Variants in NTRK3 observed in about 807,000 individuals in gnomAD.
NTRK3 encodes the protein NT-3 growth factor receptor.
NTRK3 carries 24 observed loss-of-function variants against 91.7 expected under a neutral mutation model. The observed-to-expected ratio is 0.26, with a 90% CI of 0.19 to 0.37. The LOEUF (loss-of-function observed/expected upper bound fraction) is 0.37. Ranked by LOEUF, NTRK3 falls within the 10% of genes least tolerant of loss-of-function variation. The probability of loss-of-function intolerance (pLI) is 1.00; values close to 1 mark genes in which losing one functional copy is unlikely to be tolerated. For missense variants in NTRK3, 880 were observed against 1,068.9 expected (o/e 0.82, Z 2.46); for synonymous variants, 483 against 404.0 (o/e 1.20, Z -2.34).
At chr15:88,093,469 C>T (rs1368790980) in intron 13 of NTRK3, among the ~76,000 whole-genome samples, 1 of 152,198 alleles carries the variant, frequency 6.6e-6, no homozygotes, top group African/African-American at 2.4e-5. Flanking sequence ...TCTTCTCATG[C>T]TTATGGATGG....
intron 14 of NTRK3, among the ~76,000 whole-genome samples, chr15:87,983,054 T>G (rs933294015): frequency 6.6e-6 from 1 of 152,254 alleles, no homozygotes; most frequent in Non-Finnish European, 1.5e-5. Context: ...TAAAGTAGTT[T>G]AGGTTATGGT....
At chr15:88,058,945 C>G (rs541097183) in intron 13 of NTRK3, among the ~76,000 whole-genome samples, 1 of 152,202 alleles carries the variant, frequency 6.6e-6, no homozygotes, top group South Asian at 2.1e-4. Context: ...TAGCTTCTTC[C>G]AGAGATTTAG....
At chr15:88,193,092 T>A (rs1448385868) in intron 3 of NTRK3, among the ~76,000 whole-genome samples, 1 of 152,174 alleles carries the variant, frequency 6.6e-6, no homozygotes, top group East Asian at 1.9e-4. Flanking sequence ...CCTGAGTAAG[T>A]ATACACCTGG....
At chr15:88,149,956 C>T (rs1407203740) in intron 5 of NTRK3, among the ~76,000 whole-genome samples, 1 of 152,200 alleles carries the variant, frequency 6.6e-6, no homozygotes, top group African/African-American at 2.4e-5. Flanking sequence ...TGGACAAGCC[C>T]CCAGCTTCCA....
exon 19 of NTRK3, chr15:87,861,475 T>G (rs2064521806): frequency 1.5e-5 from 3 of 199,464 alleles, no homozygotes. Context: ...ATATGTAAAG[T>G]AGCACTTAGT....
At chr15:88,107,102 CAATATTTTCTAGATTTTTATATAATG>C (rs1382235420) in intron 13 of NTRK3, among the ~76,000 whole-genome samples, 1 of 151,886 alleles carries the variant, frequency 6.6e-6, no homozygotes, top group Non-Finnish European at 1.5e-5. Flanking sequence ...ATTTTTTATA[CAATATTTTCTAGATTTTTATATAATG>C]AATATATATT....
chr15:87,879,083 G>A (rs1299459034), intron 18 of NTRK3, among the ~76,000 whole-genome samples: 1 of 152,032 alleles, frequency 6.6e-6, no homozygotes, highest in Admixed American at 6.5e-5. Context: ...GGGAAATGTG[G>A]TCAGGCCCCA....
chr15:88,214,661 GAAA>G (rs60980840), intron 3 of NTRK3, among the ~76,000 whole-genome samples: 40 of 133,150 alleles, frequency 3.0e-4, no homozygotes, highest in African/African-American at 1.0e-3. Context: ...AAATAAAGCA[GAAA>G]AAAAAAAAAA....
chr15:87,914,762 C>A (rs1398432461), intron 17 of NTRK3, among the ~76,000 whole-genome samples: 1 of 152,154 alleles, frequency 6.6e-6, no homozygotes, highest in African/African-American at 2.4e-5. Context: ...ACAAACCGGG[C>A]TGCAAATCAA....
chr15:88,162,721 T>C (rs972458724), intron 5 of NTRK3, among the ~76,000 whole-genome samples: 2 of 152,250 alleles, frequency 1.3e-5, no homozygotes, highest in African/African-American at 2.4e-5. Flanking sequence ...AGGAAAATAA[T>C]GAGGAACATT....
intron 13 of NTRK3, among the ~76,000 whole-genome samples, chr15:88,049,947 C>T (rs1030012689): frequency 5.3e-5 from 8 of 152,174 alleles, no homozygotes; most frequent in Non-Finnish European, 8.8e-5. Flanking sequence ...GCATTGTGCT[C>T]CTGACGCTCA....
chr15:88,234,743 A>G lies in NTRK3; in HGVS notation c.248+21163T>C, dbSNP rs1436263087. Among the ~76,000 whole-genome samples the G allele has an allele frequency of 1.3e-5, 2 of 152,184 alleles. No homozygotes were observed. Among genetic ancestry groups the G allele is most frequent in the Admixed American group, 6.5e-5 (1 of 15,280 alleles). ...CTGTAAGTCGAATCATCTCTTGTTT[A>G]AAAGGAAAACCCTCTGGGACTTCCT... On this transcript the variant is annotated intron_variant, in intron 3 of 18. Coordinates refer to ENST00000394480, the Ensembl canonical transcript of NTRK3. The surrounding 1 kb of genome is among the most constrained non-coding windows in gnomAD (Gnocchi z 6.1).
chr15:87,932,239 C>G (rs1292651933), intron 16 of NTRK3, among the ~76,000 whole-genome samples: 1 of 152,196 alleles, frequency 6.6e-6, no homozygotes, highest in Non-Finnish European at 1.5e-5. Flanking sequence ...AGAAACCCTT[C>G]TTACAACAAA....
chr15:87,940,817 G>T (rs75022169), intron 14 of NTRK3, 64 bp from the exon 15 acceptor site: 16 of 1,610,794 alleles, frequency 9.9e-6, no homozygotes, highest in African/African-American at 1.3e-5. Flanking sequence ...CAGGGAGACA[G>T]AAGAGTACAG....
intron 5 of NTRK3, among the ~76,000 whole-genome samples, chr15:88,159,328 A>G (rs1173655059): frequency 2.0e-5 from 3 of 152,222 alleles, no homozygotes; most frequent in African/African-American, 7.2e-5. Flanking sequence ...ATAAGAGGTT[A>G]GAGGGAACAC....
chr15:87,911,671 C>A (rs1282852667), intron 17 of NTRK3, among the ~76,000 whole-genome samples: 1 of 152,218 alleles, frequency 6.6e-6, no homozygotes, highest in Non-Finnish European at 1.5e-5. Flanking sequence ...ACAACCCTTG[C>A]ATACATCTCT....
Position 87,922,012 on chromosome 15 carries a change from G to T in NTRK3, c.2133+7179C>A, listed in dbSNP as rs76100119. Among the ~76,000 whole-genome samples the T allele has an allele frequency of 5.9e-3, 904 of 152,184 alleles. 15 individuals are homozygous for T. Among genetic ancestry groups the T allele is most frequent in the East Asian group, 0.033 (171 of 5,172 alleles). On this transcript the variant is annotated intron_variant, in intron 17 of 18. Transcript: ENST00000394480. ...CTCAGTGGGCTCAAACACATCATCT[G>T]GGCAGAGAAGAGAGGTACCACTTAT...
intron 3 of NTRK3, among the ~76,000 whole-genome samples, chr15:88,217,565 A>G (rs1381884172): frequency 6.6e-6 from 1 of 152,186 alleles, no homozygotes; most frequent in Admixed American, 6.5e-5. Flanking sequence ...TTCTAGAGAC[A>G]GAAAGTGGTG....
At chr15:88,017,415 G>A (rs2077309580) in intron 14 of NTRK3, among the ~76,000 whole-genome samples, 1 of 152,224 alleles carries the variant, frequency 6.6e-6, no homozygotes, top group Admixed American at 6.5e-5. Context: ...TTCCCCTTTG[G>A]TTCTTCCCCA....
Sources: gnomAD v4.1 joint callset for allele counts (sites outside exome capture counted in the v4.1 genomes callset) on GRCh38, gnomAD v4.1.1 for gene constraint, Gnocchi (gnomAD v3.1) non-coding constraint, MANE v1.5 for transcripts, NCBI Gene and HGNC (gene_info 2026-07-23, HGNC 2026-07-21) for gene names.